CDH18: variants seen among roughly 807,000 people sequenced by gnomAD.
The protein encoded by CDH18 is cadherin-18.
In CDH18, 31 loss-of-function variants were observed where a neutral mutation model predicts 67.9. The observed-to-expected ratio is 0.46, with a 90% confidence interval of 0.34 to 0.62. CDH18 has a LOEUF of 0.62. CDH18 is among the 20% of genes least tolerant of loss of function. CDH18 has a pLI of 0.01. For synonymous variants in CDH18, 362 were observed against 347.2 expected (o/e 1.04, Z -0.48); for missense variants, 890 against 975.5 (o/e 0.91, Z 1.17).
chr5:19,678,180 T>C (rs1759763087), intron 5 of CDH18, among the ~76,000 whole-genome samples: 1 of 151,254 alleles, frequency 6.6e-6, no homozygotes, highest in Non-Finnish European at 1.5e-5. Flanking sequence ...TATATTCTTC[T>C]CATCTGCAGA....
intron 1 of CDH18, among the ~76,000 whole-genome samples, chr5:20,533,651 A>G (rs1756545666): frequency 6.6e-6 from 1 of 152,082 alleles, no homozygotes. Flanking sequence ...TATCAGCACT[A>G]TTTGCATTTT....
intron 2 of CDH18, among the ~76,000 whole-genome samples, chr5:20,140,628 C>T (rs995055484): frequency 2.0e-5 from 3 of 152,210 alleles, no homozygotes; most frequent in Non-Finnish European, 4.4e-5. Context: ...CAATCAGTTT[C>T]TCCAGATGTG....
intron 1 of CDH18, among the ~76,000 whole-genome samples, chr5:20,451,582 G>A (rs750422323): frequency 2.6e-5 from 4 of 152,052 alleles, no homozygotes; most frequent in Admixed American, 1.3e-4. Context: ...TTAATATCTT[G>A]GCCATGAAGG....
At chr5:19,798,112 A>G (rs955114534) in intron 3 of CDH18, among the ~76,000 whole-genome samples, 2 of 152,086 alleles carry the variant, frequency 1.3e-5, no homozygotes, top group African/African-American at 4.8e-5. Flanking sequence ...GTTCAGTATC[A>G]TAACTATAAT....
chr5:20,312,013 C>T (rs1737042211), intron 1 of CDH18, among the ~76,000 whole-genome samples: 1 of 152,060 alleles, frequency 6.6e-6, no homozygotes, highest in Non-Finnish European at 1.5e-5. Context: ...ATATGGGTTT[C>T]TTTTGCATGG....
chr5:20,005,910 G>T (rs1230809468), intron 2 of CDH18, among the ~76,000 whole-genome samples: 1 of 151,982 alleles, frequency 6.6e-6, no homozygotes, highest in African/African-American at 2.4e-5. Flanking sequence ...ACGACCATTA[G>T]CACTTGACAT....
intron 5 of CDH18, among the ~76,000 whole-genome samples, chr5:19,660,844 G>GA (rs1313944839): frequency 6.6e-6 from 1 of 152,022 alleles, no homozygotes; most frequent in Non-Finnish European, 1.5e-5. Context: ...AGGCTAAGCA[G>GA]AGGCCTCAAT....
chr5:19,765,127 A>G (rs1772900739), intron 3 of CDH18, among the ~76,000 whole-genome samples: 1 of 152,114 alleles, frequency 6.6e-6, no homozygotes, highest in African/African-American at 2.4e-5. Flanking sequence ...ATATGTTCTC[A>G]TGTGTATTCT....
At chr5:19,750,719 A>T (rs1465703314) in intron 3 of CDH18, among the ~76,000 whole-genome samples, 2 of 151,774 alleles carry the variant, frequency 1.3e-5, no homozygotes, top group African/African-American at 4.8e-5. Flanking sequence ...ATAAGTAAAA[A>T]TATTTGGAAG....
intron 2 of CDH18, among the ~76,000 whole-genome samples, chr5:19,899,727 A>G (rs1010003637): frequency 6.6e-6 from 1 of 151,568 alleles, no homozygotes; most frequent in Non-Finnish European, 1.5e-5. Flanking sequence ...ATGAATAAAG[A>G]AAATGTAGTA....
chr5:20,120,585 T>A (rs910427043), intron 2 of CDH18, among the ~76,000 whole-genome samples: 9 of 152,134 alleles, frequency 5.9e-5, no homozygotes, highest in Admixed American at 1.3e-4. Context: ...AACTATATTC[T>A]AGATTTAAGA....
Position 20,339,053 on chromosome 5 carries a change from C to A in CDH18, c.-579-83548G>T, listed in dbSNP as rs116773990. Among the ~76,000 whole-genome samples the A allele has an allele frequency of 3.2e-3, 482 of 152,238 alleles. 4 individuals carry two copies. Among genetic ancestry groups the A allele is most frequent in the African/African-American group, 0.011 (460 of 41,554 alleles). ...CAGAGGATGCCTATTCTCTCTCTCT[C>A]CACCCAAGGACACTCTGAATGGGGG... is the stretch of plus-strand genomic sequence containing the variant. On this transcript the variant is annotated intron_variant, in intron 1 of 14. Transcript: ENST00000507958.
At chr5:19,742,941 TGTTA>T (rs1240796721) in intron 4 of CDH18, among the ~76,000 whole-genome samples, 1 of 152,232 alleles carries the variant, frequency 6.6e-6, no homozygotes, top group Non-Finnish European at 1.5e-5. Context: ...CATTTTTAAG[TGTTA>T]GTGTTATAAA....
At chr5:19,960,609 A>T (rs1416472459) in intron 2 of CDH18, among the ~76,000 whole-genome samples, 1 of 114,372 alleles carries the variant, frequency 8.7e-6, no homozygotes, top group African/African-American at 6.8e-5. Flanking sequence ...ATATACACAC[A>T]CGTGTATATA....
At chr5:19,945,395 C>T (rs561167062) in intron 2 of CDH18, among the ~76,000 whole-genome samples, 1 of 152,214 alleles carries the variant, frequency 6.6e-6, no homozygotes, top group South Asian at 2.1e-4. Context: ...AGAAGGGCAA[C>T]TGAATGGTGA....
chr5:19,775,715 C>A (rs1774290204), intron 3 of CDH18, among the ~76,000 whole-genome samples: 1 of 152,066 alleles, frequency 6.6e-6, no homozygotes, highest in African/African-American at 2.4e-5. Flanking sequence ...AGACAAATAT[C>A]CAAGCTATAT....
intron 2 of CDH18, among the ~76,000 whole-genome samples, chr5:19,993,216 T>C (rs527969456): frequency 5.5e-4 from 83 of 152,128 alleles, no homozygotes; most frequent in African/African-American, 1.4e-3. Context: ...ATTAAATATA[T>C]GGTAGTGGGG....
At chr5:19,995,683 C>A (rs1017928480) in intron 2 of CDH18, among the ~76,000 whole-genome samples, 1 of 151,204 alleles carries the variant, frequency 6.6e-6, no homozygotes, top group Non-Finnish European at 1.5e-5. Flanking sequence ...TGGATAATGG[C>A]TAGCTAAATC....
chr5:20,064,561 A>T (rs1341089793), intron 2 of CDH18, among the ~76,000 whole-genome samples: 1 of 152,134 alleles, frequency 6.6e-6, no homozygotes, highest in Non-Finnish European at 1.5e-5. Flanking sequence ...GTTTACAGAT[A>T]ATGTATTTGA....
Sources: allele counts gnomAD v4.1 joint callset (sites outside exome capture counted in the v4.1 genomes callset), GRCh38; gene constraint gnomAD v4.1.1; transcripts MANE v1.5; gene names NCBI Gene and HGNC (gene_info 2026-07-23, HGNC 2026-07-21).